MACROD2: variants seen among roughly 807,000 people sequenced by gnomAD.
MACROD2 encodes the protein mono-ADP ribosylhydrolase 2.
Under a neutral mutation model 70.4 loss-of-function variants are expected in MACROD2, and 36 were observed. The observed-to-expected ratio is 0.51, with a 90% CI of 0.39 to 0.68. The LOEUF (loss-of-function observed/expected upper bound fraction) is 0.68. Ranked by LOEUF, MACROD2 falls within the 30% of genes least tolerant of loss-of-function variation. MACROD2 has a pLI of 0.00. For missense variants in MACROD2, 496 were observed against 538.4 expected, an observed-to-expected ratio of 0.92 and a Z score of 0.78; for synonymous variants, 172 against 178.8, an observed-to-expected ratio of 0.96 and a Z score of 0.30.
intron 8 of MACROD2, among the ~76,000 whole-genome samples, chr20:15,744,556 G>T (rs1192577919): frequency 6.6e-6 from 1 of 151,930 alleles, no homozygotes; most frequent in South Asian, 2.1e-4. Flanking sequence ...TTTGATTCTG[G>T]CTGCCTCCAT....
At chr20:15,608,197 T>C (rs1167299146) in intron 8 of MACROD2, among the ~76,000 whole-genome samples, 1 of 152,242 alleles carries the variant, frequency 6.6e-6, no homozygotes, top group Non-Finnish European at 1.5e-5. Flanking sequence ...GATAACGTCC[T>C]GTATCTTCTC....
chr20:14,459,680 G>A (rs2084345695), intron 3 of MACROD2, among the ~76,000 whole-genome samples: 1 of 151,728 alleles, frequency 6.6e-6, no homozygotes, highest in African/African-American at 2.4e-5. Flanking sequence ...TATAAATAAT[G>A]AGCACAAAAT....
At chr20:15,856,354 G>A (rs1252340705) in intron 8 of MACROD2, among the ~76,000 whole-genome samples, 2 of 152,176 alleles carry the variant, frequency 1.3e-5, no homozygotes, top group African/African-American at 4.8e-5. Context: ...CATTGGATAA[G>A]ATGTCAGTTG....
At chr20:14,108,474 A>AT (rs1412765584) in intron 3 of MACROD2, among the ~76,000 whole-genome samples, 3 of 147,598 alleles carry the variant, frequency 2.0e-5, no homozygotes, top group African/African-American at 5.1e-5. Context: ...GGCTAAGTGG[A>AT]TAAAAAAAAA....
At chr20:14,903,927 C>T (rs2073928332) in intron 5 of MACROD2, among the ~76,000 whole-genome samples, 1 of 152,124 alleles carries the variant, frequency 6.6e-6, no homozygotes, top group East Asian at 1.9e-4. Flanking sequence ...TCTTCACATT[C>T]TCTCGCTGAG....
At chr20:14,687,283 G>C (rs2071013944) in intron 5 of MACROD2, among the ~76,000 whole-genome samples, 1 of 152,058 alleles carries the variant, frequency 6.6e-6, no homozygotes. Context: ...ACTTTCTAAA[G>C]AACAGTATAC....
chr20:14,294,220 A>G (rs1378312839), intron 3 of MACROD2, among the ~76,000 whole-genome samples: 3 of 146,304 alleles, frequency 2.1e-5, no homozygotes, highest in South Asian at 2.1e-4. Context: ...GGGTGTATGC[A>G]TGTGTGTGTG....
At chr20:15,121,304 G>GA (rs2123248908) in intron 5 of MACROD2, among the ~76,000 whole-genome samples, 2 of 152,126 alleles carry the variant, frequency 1.3e-5, no homozygotes, top group South Asian at 4.2e-4. Flanking sequence ...CTGAGGTCAG[G>GA]AATTCGAGAC....
chr20:15,519,735 G>C (rs566466238), intron 8 of MACROD2, among the ~76,000 whole-genome samples: 2 of 152,298 alleles, frequency 1.3e-5, no homozygotes, highest in African/African-American at 4.8e-5. Context: ...GTTAAGATGG[G>C]CTGGAAGAAT....
At chr20:15,160,114 C>T (rs2076337597) in intron 5 of MACROD2, among the ~76,000 whole-genome samples, 1 of 152,002 alleles carries the variant, frequency 6.6e-6, no homozygotes, top group African/African-American at 2.4e-5. Context: ...AACTGTATTT[C>T]AGAGACAATT....
intron 6 of MACROD2, among the ~76,000 whole-genome samples, chr20:15,234,028 T>TG (rs1568657617): frequency 1.8e-4 from 4 of 21,952 alleles, no homozygotes; most frequent in African/African-American, 7.4e-4. Context: ...TTTTTTTTTT[T>TG]TTTTTTTTTT....
chr20:14,087,121 G>A (rs2054086171), intron 3 of MACROD2, among the ~76,000 whole-genome samples: 1 of 152,164 alleles, frequency 6.6e-6, no homozygotes, highest in Admixed American at 6.5e-5. Flanking sequence ...ACAGCTGGGT[G>A]CGGTGGCTCA....
chr20:15,414,987 G>A (rs1385544469), intron 6 of MACROD2, among the ~76,000 whole-genome samples: 1 of 152,148 alleles, frequency 6.6e-6, no homozygotes, highest in African/African-American at 2.4e-5. Flanking sequence ...GTGAACCAGG[G>A]AACTCCCTGT....
At chr20:14,487,552 T>C (rs1334086018) in intron 3 of MACROD2, among the ~76,000 whole-genome samples, 1 of 152,212 alleles carries the variant, frequency 6.6e-6, no homozygotes, top group Non-Finnish European at 1.5e-5. Context: ...GTCTCTCACC[T>C]GTCCCAGAAA....
At chr20:14,056,593 C>A (rs2053633160) in intron 2 of MACROD2, among the ~76,000 whole-genome samples, 2 of 151,744 alleles carry the variant, frequency 1.3e-5, no homozygotes, top group Non-Finnish European at 2.9e-5. Flanking sequence ...CCTCATTGAT[C>A]TAAAAGTTAC....
chr20:15,532,740 G>A (rs1330558290), intron 8 of MACROD2, among the ~76,000 whole-genome samples: 2 of 151,774 alleles, frequency 1.3e-5, no homozygotes, highest in African/African-American at 2.4e-5. Context: ...ATCAGCCTCT[G>A]TTCTCTGAAA....
At chr20:14,273,811 A>G (rs2082222716) in intron 3 of MACROD2, among the ~76,000 whole-genome samples, 1 of 150,502 alleles carries the variant, frequency 6.6e-6, no homozygotes, top group South Asian at 2.1e-4. Flanking sequence ...GATAAAGGGG[A>G]TATCACCACC....
At chr20:14,690,199 A>G (rs2071047358) in intron 5 of MACROD2, among the ~76,000 whole-genome samples, 1 of 152,204 alleles carries the variant, frequency 6.6e-6, no homozygotes, top group African/African-American at 2.4e-5. Flanking sequence ...CTGAATAGTC[A>G]TCAAGGATAA....
rs1001845304 is a variant in MACROD2, at chr20:14,047,312, G to A, written c.164-38309G>A. ...AAACCCAAATATACAAAAATTAGCC[G>A]GGCATGGTGGCATGTGCCTGTAATC... On this transcript the variant is annotated intron_variant, in intron 2 of 17. Coordinates refer to ENST00000684519, the MANE Select transcript of MACROD2 (RefSeq NM_001351661.2). 5.9e-5 allele frequency among the ~76,000 whole-genome samples: 9 copies of A among 151,972 alleles called. No individual in the cohort carries two copies. In the East Asian group the frequency reaches 1.6e-3, roughly 26 times the overall value.
Sources: gnomAD v4.1 joint callset for allele counts (sites outside exome capture counted in the v4.1 genomes callset) on GRCh38, gnomAD v4.1.1 for gene constraint, MANE v1.5 for transcripts, NCBI Gene and HGNC (gene_info 2026-07-23, HGNC 2026-07-21) for gene names.